Variants in HMCN1 observed in about 807,000 individuals in gnomAD.
HMCN1 encodes the protein hemicentin 1.
Under a neutral mutation model 625.9 loss-of-function variants are expected in HMCN1, and 321 were observed. The ratio of observed to expected loss-of-function variants is 0.51; its 90% CI spans 0.47 to 0.56. HMCN1 has a LOEUF of 0.56. HMCN1 is among the 20% of genes least tolerant of loss of function. HMCN1 has a pLI of 0.00. For synonymous variants in HMCN1, 2,425 were observed against 2,417.6 expected (o/e 1.00, Z -0.09); for missense variants, 6,588 against 6,887.3 (o/e 0.96, Z 1.54).
intron 2 of HMCN1, among the ~76,000 whole-genome samples, 186 bp from the exon 3 acceptor site, chr1:185,864,284 A>G (rs539106303): frequency 1.3e-5 from 2 of 152,310 alleles, no homozygotes; most frequent in African/African-American, 4.8e-5. Flanking sequence ...CTTATCCTTA[A>G]GTACACATTT....
Position 186,086,293 on chromosome 1 carries a change from GTGAACAA to G in HMCN1, c.8934_8940del (p.Asn2979SerfsTer4). 6.2e-7 allele frequency: 1 copy of G among 1,613,170 alleles called. No individual in the cohort carries two copies. Among genetic ancestry groups the G allele is most frequent in the Non-Finnish European group, 8.5e-7 (1 of 1,179,418 alleles). ...TAAATCTGAAAATCTTACCGTCGTG[GTGAACAA>G]TTTCATCTCTTTGACCTGTGAGGTC... On this transcript the variant is annotated frameshift_variant, in exon 58 of 107. Coordinates refer to ENST00000271588, the MANE Select transcript of HMCN1 (RefSeq NM_031935.3). LOFTEE classifies it high-confidence loss of function.
intron 68 of HMCN1, among the ~76,000 whole-genome samples, chr1:186,100,198 G>A (rs1012916511): frequency 1.3e-5 from 2 of 152,084 alleles, no homozygotes; most frequent in African/African-American, 4.8e-5. Flanking sequence ...CTTTAATAAA[G>A]TTGAAGAGTT....
intron 56 of HMCN1, among the ~76,000 whole-genome samples, chr1:186,081,624 A>T (rs2102381464): frequency 6.6e-6 from 1 of 152,298 alleles, no homozygotes; most frequent in East Asian, 1.9e-4. Flanking sequence ...AATGTTCTAC[A>T]CACACCTCAA....
intron 97 of HMCN1, among the ~76,000 whole-genome samples, chr1:186,158,923 T>A (rs1350377160): frequency 6.6e-6 from 1 of 152,314 alleles, no homozygotes; most frequent in African/African-American, 2.4e-5. Context: ...ATGCAGGCTC[T>A]TTTTTGGTTC....
chr1:186,035,855 A>G (rs1203028827), intron 36 of HMCN1, among the ~76,000 whole-genome samples: 2 of 152,144 alleles, frequency 1.3e-5, no homozygotes, highest in Admixed American at 6.5e-5. Context: ...AAACACACAC[A>G]TACACATATG....
rs779194227 is a variant in HMCN1, at chr1:185,918,387, T to C, written c.901-3992T>C. Among the ~76,000 whole-genome samples, 80 of 152,156 alleles carry C rather than the reference T, an allele frequency of 5.3e-4. 1 individual carries two copies. The highest frequency in any genetic ancestry group is 2.5e-4 in the Non-Finnish European group (17 of 68,006). The stretch of plus-strand genomic sequence containing the variant: ...ATCCAGAAGACTCAGCAAGCCAGCT[T>C]ATCCCACCTTCTTCCACCTGCTTTG... On this transcript the variant is annotated intron_variant, in intron 6 of 106. Transcript: ENST00000271588.
chr1:186,016,288 G>A, intron 32 of HMCN1, 49 bp downstream of exon 32: 9 of 1,543,842 alleles, frequency 5.8e-6, no homozygotes, highest in Non-Finnish European at 8.0e-6. Context: ...AGCAAAACCT[G>A]ATTAGTTTGT....
chr1:185,807,894 G>A (rs893484081), intron 1 of HMCN1, among the ~76,000 whole-genome samples: 3 of 152,050 alleles, frequency 2.0e-5, no homozygotes, highest in South Asian at 2.1e-4. Context: ...AACAAGTGAC[G>A]GGAATATTCT....
intron 1 of HMCN1, among the ~76,000 whole-genome samples, chr1:185,840,726 T>G (rs1411446595): frequency 6.6e-6 from 1 of 152,218 alleles, no homozygotes; most frequent in Non-Finnish European, 1.5e-5. Flanking sequence ...CTGATTTATA[T>G]ATTTCTTAGC....
intron 40 of HMCN1, among the ~76,000 whole-genome samples, chr1:186,042,896 T>C (rs770167633): frequency 1.1e-4 from 17 of 152,046 alleles, no homozygotes; most frequent in Non-Finnish European, 2.2e-4. Context: ...GGGTACGCTG[T>C]TGGGGGGTGG....
chr1:186,093,761 T>C (rs1419257381), intron 66 of HMCN1, 92 bp downstream of exon 66: 1 of 1,549,640 alleles, frequency 6.5e-7, no homozygotes, highest in Non-Finnish European at 8.9e-7. Context: ...AGAAATGTTT[T>C]TTTCTAAGCC....
At position 186,190,047 on chromosome 1, in the gene HMCN1, C is replaced by T; in HGVS notation, c.*169C>T. On this transcript the variant is annotated 3_prime_UTR_variant, in exon 107 of 107. Transcript: ENST00000271588. ...TACTTCTGAGGTATTTTCATGATCCCACCATGGTCATATCTTGAAGTATGG... is the reference window on the plus strand; with the variant it reads ...TACTTCTGAGGTATTTTCATGATCCTACCATGGTCATATCTTGAAGTATGG... 1.3e-6 allele frequency: 1 copy of T among 742,884 alleles called. No individual in the cohort carries two copies. The highest frequency in any genetic ancestry group is 1.6e-5 in the South Asian group (1 of 63,610). 46.0% of individuals were successfully genotyped at this position (742,884 alleles called of 1,614,324 possible). A position where few individuals can be genotyped will look rare whatever the true frequency, so the allele number is the denominator to read the frequency against.
chr1:186,165,205 T>G (rs761325130), intron 98 of HMCN1, 32 bp downstream of exon 98: 5 of 1,575,236 alleles, frequency 3.2e-6, no homozygotes, highest in Non-Finnish European at 4.4e-6. Context: ...GGGTTTTCTT[T>G]TAATGAAAAT....
At chr1:185,742,575 T>A (rs1052774083) in intron 1 of HMCN1, among the ~76,000 whole-genome samples, 1 of 152,200 alleles carries the variant, frequency 6.6e-6, no homozygotes, top group Admixed American at 6.5e-5. Context: ...AAATTCAAAT[T>A]GAAATGTTTT....
At chr1:186,112,198 A>T (rs926969150) in intron 71 of HMCN1, among the ~76,000 whole-genome samples, 19 of 152,180 alleles carry the variant, frequency 1.2e-4, no homozygotes, top group African/African-American at 4.1e-4. Flanking sequence ...TATTTTTTTT[A>T]AATGTTAGAG....
At position 186,144,566 on chromosome 1, in the gene HMCN1, G is replaced by T. The variant is rs769580412; in HGVS notation, c.14129G>T (p.Ser4710Ile). 1 of 1,614,068 alleles carries T rather than the reference G, an allele frequency of 6.2e-7. No homozygotes were observed. Residue 4710 changes from serine (S) to isoleucine (I), a missense_variant, in exon 91 of 107, where the codon AGT becomes ATT. By Grantham distance (142) the Ser-to-Ile change is moderately radical (BLOSUM62 -2). Coordinates refer to ENST00000271588, the MANE Select transcript of HMCN1 (RefSeq NM_031935.3). ...HGKWATWASW[S>I]ACSVSCGGGA... ...AAGTGGGCGACTTGGGCCAGTTGGA[G>T]TGCCTGTTCTGTGTCATGTGGAGGA...
intron 17 of HMCN1, 71 bp from the exon 18 acceptor site, chr1:185,982,191 G>A: frequency 2.8e-6 from 4 of 1,430,018 alleles, no homozygotes; most frequent in Non-Finnish European, 3.0e-6. Flanking sequence ...AGTCTTTGGG[G>A]CCTGTGAAGT....
At chr1:185,903,154 T>C (rs553482085) in intron 4 of HMCN1, among the ~76,000 whole-genome samples, 81 of 151,986 alleles carry the variant, frequency 5.3e-4, no homozygotes, top group African/African-American at 1.9e-3. Context: ...TAATGAAATA[T>C]ACCTTGACAC....
chr1:186,153,370 G>C (rs560430786), intron 96 of HMCN1, among the ~76,000 whole-genome samples: 6 of 151,944 alleles, frequency 3.9e-5, no homozygotes, highest in Non-Finnish European at 8.8e-5. Flanking sequence ...AGTTTTATTA[G>C]CCCCTATACA....
Sources: allele counts gnomAD v4.1 joint callset (sites outside exome capture counted in the v4.1 genomes callset), GRCh38; gene constraint gnomAD v4.1.1; transcripts MANE v1.5; gene names NCBI Gene and HGNC (gene_info 2026-07-23, HGNC 2026-07-21).